Variants in LPA observed in about 807,000 individuals in gnomAD.
LPA encodes the protein apolipoprotein(a).
Under a neutral mutation model 197.9 loss-of-function variants are expected in LPA, and 199 were observed. The ratio of observed to expected loss-of-function variants is 1.01; its 90% CI spans 0.90 to 1.13. The LOEUF (loss-of-function observed/expected upper bound fraction) is 1.13. Ranked by LOEUF, LPA falls within the 50% of genes most tolerant of loss-of-function variation. LPA has a pLI of 0.00. For synonymous variants in LPA, 715 were observed against 639.5 expected (o/e 1.12, Z -1.78); for missense variants, 1,853 against 1,785.8 (o/e 1.04, Z -0.68).
chr6:160,543,089 C>T (rs986825983), intron 33 of LPA, among the ~76,000 whole-genome samples: 2 of 152,166 alleles, frequency 1.3e-5, no homozygotes, highest in African/African-American at 4.8e-5. Flanking sequence ...TGTGTGTGGA[C>T]ATATGTGCAT....
At position 160,606,653 on chromosome 6, in the gene LPA, A is replaced by G; in HGVS notation, c.2609T>C (p.Leu870Ser). The part of the protein sequence containing the change: ...RTPEYYPNAG[L>S]IMNYCRNPDP... ...TGGATTCCTGCAGTAGTTCATGATCAAGCCACTGGAAATTCCAAAACGATA... is the reference window on the plus strand; with the variant it reads ...TGGATTCCTGCAGTAGTTCATGATCGAGCCACTGGAAATTCCAAAACGATA... Residue 870 changes from leucine to serine, a missense_variant, in exon 17 of 39, where the codon TTG (leucine) becomes TCG (serine). Physicochemically the swap from Leu to Ser is moderately radical, Grantham distance 145 (BLOSUM62 -2). Coordinates refer to ENST00000316300, the MANE Select transcript of LPA (RefSeq NM_005577.4). 1 of 1,614,012 alleles carries G rather than the reference A, an allele frequency of 6.2e-7. No homozygotes were observed. Among genetic ancestry groups the G allele is most frequent in the Non-Finnish European group, 8.5e-7 (1 of 1,179,940 alleles).
chr6:160,593,492 T>G (rs1165851504), intron 22 of LPA, among the ~76,000 whole-genome samples: 1 of 152,184 alleles, frequency 6.6e-6, no homozygotes, highest in East Asian at 1.9e-4. Context: ...TACCTTGTTC[T>G]CAGAACCCAG....
intron 26 of LPA, among the ~76,000 whole-genome samples, chr6:160,583,989 C>T: frequency 6.6e-6 from 1 of 152,156 alleles, no homozygotes; most frequent in Admixed American, 6.5e-5. Flanking sequence ...GTCAGACATG[C>T]ATTTTTTTGT....
chr6:160,661,159 G>GC (rs367865445), intron 1 of LPA, among the ~76,000 whole-genome samples: 3 of 128,378 alleles, frequency 2.3e-5, no homozygotes, highest in African/African-American at 6.5e-5. Context: ...GGCACAAAAT[G>GC]TAGTGATTTT....
intron 28 of LPA, among the ~76,000 whole-genome samples, chr6:160,566,961 G>A (rs1778467453): frequency 6.6e-6 from 1 of 152,134 alleles, no homozygotes; most frequent in South Asian, 2.1e-4. Flanking sequence ...AAATATATAT[G>A]CACCCAATAC....
intron 28 of LPA, among the ~76,000 whole-genome samples, chr6:160,559,714 A>C (rs2115014392): frequency 6.6e-6 from 1 of 152,314 alleles, no homozygotes; most frequent in Admixed American, 6.5e-5. Context: ...CTTTAAGTTT[A>C]TGTGAGTCCT....
At chr6:160,650,662 A>G (rs1193604238) in intron 1 of LPA, among the ~76,000 whole-genome samples, 165 bp from the exon 2 acceptor site, 3 of 152,230 alleles carry the variant, frequency 2.0e-5, no homozygotes, top group African/African-American at 7.2e-5. Flanking sequence ...ATAGATTCAT[A>G]TCATTCTAGA....
At chr6:160,541,698 A>G (rs1167465378) in intron 34 of LPA, among the ~76,000 whole-genome samples, 1 of 152,178 alleles carries the variant, frequency 6.6e-6, no homozygotes. Context: ...TAGGCAGTTG[A>G]TAGATCAGAA....
intron 18 of LPA, among the ~76,000 whole-genome samples, chr6:160,602,177 T>A (rs6455691): frequency 0.4 from 60,907 of 152,024 alleles, 12,514 homozygotes; most frequent in African/African-American, 0.49. Flanking sequence ...GCTGGTTCAA[T>A]GAGCAACTGG....
rs1390727926 is a variant in LPA at position 160,587,791 on chromosome 6, GTGTGTGTGTT to G, written c.3948-1171_3948-1162del. 4.6e-4 allele frequency among the ~76,000 whole-genome samples: 58 copies of G among 125,430 alleles called. 1 individual carries two copies. The highest frequency in any genetic ancestry group is 1.8e-3 in the African/African-American group (54 of 30,308). The allele number at this position is 125,430 out of a possible 152,430, so 82.3% of individuals were successfully genotyped here. On this transcript the variant is annotated intron_variant, in intron 24 of 38. Transcript: ENST00000316300. Reference sequence around the variant, plus strand: ...TGTGTGTGTGTGTGTGTGTGTGTGTGTGTGTGTGTTTCTGTCTGTTGGTCTGTCTGTCTGT... The same window carrying G: ...TGTGTGTGTGTGTGTGTGTGTGTGTGTCTGTCTGTTGGTCTGTCTGTCTGT...
At chr6:160,615,375 T>A (rs1779577412) in intron 14 of LPA, among the ~76,000 whole-genome samples, 1 of 138,194 alleles carries the variant, frequency 7.2e-6, no homozygotes, top group Non-Finnish European at 1.6e-5. Flanking sequence ...TGTGTGTGTG[T>A]GTGTGTGTGT....
chr6:160,578,681 C>T lies in LPA; in HGVS notation c.4313G>A (p.Arg1438Lys), dbSNP rs776834258. Residue 1438 changes from arginine to lysine, a missense_variant, in exon 27 of 39, where the codon AGG becomes AAG. Physicochemically the swap from Arg to Lys is conservative, Grantham distance 26. This residue lies in a region of LPA where 1,737 missense variants were observed against 1,504.4 expected (regional missense o/e 1.15). Transcript: ENST00000316300. The stretch of plus-strand genomic sequence containing the variant: ...AGGGCGAATCTCAGCATCTGGATTC[C>T]TGCAGTAGTTCCTGGTCAGGCCACT... Reference protein sequence around the residue: ...PNAGLTRNYCRNPDAEIRPWC... With the variant: ...PNAGLTRNYCKNPDAEIRPWC... 7 of 1,613,738 alleles carry T rather than the reference C, an allele frequency of 4.3e-6. No individual in the cohort carries two copies. Among genetic ancestry groups the T allele is most frequent in the Non-Finnish European group, 5.1e-6 (6 of 1,179,908 alleles).
chr6:160,599,081 C>T (rs1181714537), intron 20 of LPA, among the ~76,000 whole-genome samples: 1 of 152,174 alleles, frequency 6.6e-6, no homozygotes, highest in Non-Finnish European at 1.5e-5. Flanking sequence ...CGGTGGCTCA[C>T]GCCTGTAATC....
rs554284758 is a variant in LPA at position 160,564,684 on chromosome 6, G to A, written c.4632-7113C>T. ...GGGTGCAGCCCACGGAGAGTGAGCC[G>A]AAGCAAGGCGGGATATTGCCTCACC... On this transcript the variant is annotated intron_variant, in intron 28 of 38. Coordinates refer to ENST00000316300, the MANE Select transcript of LPA (RefSeq NM_005577.4). 5.8e-4 allele frequency among the ~76,000 whole-genome samples: 89 copies of A among 152,310 alleles called. 2 individuals are homozygous for A. The highest frequency in any genetic ancestry group is 1.8e-3 in the African/African-American group (76 of 41,570).
chr6:160,571,914 C>G (rs1370788368), intron 28 of LPA, among the ~76,000 whole-genome samples: 1 of 152,112 alleles, frequency 6.6e-6, no homozygotes, highest in Non-Finnish European at 1.5e-5. Flanking sequence ...CCAGGGACCA[C>G]TGGGGTATGA....
Position 160,585,181 on chromosome 6 carries a change from A to C in LPA, c.4154T>G (p.Val1385Gly). The C allele has an allele frequency of 6.2e-7, 1 of 1,613,786 alleles. No homozygotes were observed. The highest frequency in any genetic ancestry group is 1.1e-5 in the South Asian group (1 of 91,082). The change falls in exon 26 of 39, where the codon GTC becomes GGC. Residue 1385 changes from valine to glycine, a missense_variant. Physicochemically the swap from Val to Gly is moderately radical, Grantham distance 109. Coordinates refer to ENST00000316300, the MANE Select transcript of LPA (RefSeq NM_005577.4). Reference sequence around the variant, plus strand: ...TCCATCACCTCGGTAGCAGTCCTGGACCCCAGTGCTGTTTTCAGTTGGTGC... The same window carrying C: ...TCCATCACCTCGGTAGCAGTCCTGGCCCCCAGTGCTGTTTTCAGTTGGTGC... ...EEAPTENSTG[V>G]QDCYRGDGQS...
intron 38 of LPA, among the ~76,000 whole-genome samples, chr6:160,532,127 G>A (rs1777816883): frequency 6.6e-6 from 1 of 152,222 alleles, no homozygotes; most frequent in Non-Finnish European, 1.5e-5. Context: ...AATCCTGCAT[G>A]CATTGCTTCC....
intron 16 of LPA, among the ~76,000 whole-genome samples, chr6:160,608,083 A>G (rs778669790): frequency 7.9e-5 from 12 of 152,204 alleles, no homozygotes; most frequent in African/African-American, 2.2e-4. Flanking sequence ...TGTTTCCAGT[A>G]GTCAACGCTC....
chr6:160,564,520 G>A (rs536005664), intron 28 of LPA, among the ~76,000 whole-genome samples: 24 of 152,238 alleles, frequency 1.6e-4, no homozygotes, highest in African/African-American at 5.8e-4. Context: ...TTGTGATCGT[G>A]AGAGAGGGGA....
Sources: gnomAD v4.1 joint callset for allele counts (sites outside exome capture counted in the v4.1 genomes callset) on GRCh38, gnomAD v4.1.1 for gene constraint, gnomAD v4.1.1 regional missense constraint, MANE v1.5 for transcripts, NCBI Gene and HGNC (gene_info 2026-07-23, HGNC 2026-07-21) for gene names.